NIBAN2: variants seen among roughly 807,000 people sequenced by gnomAD.
NIBAN2 encodes the protein protein Niban 2.
NIBAN2 carries 36 observed loss-of-function variants against 81.8 expected under a neutral mutation model. The ratio of observed to expected loss-of-function variants is 0.44; its 90% CI spans 0.34 to 0.58. The LOEUF (loss-of-function observed/expected upper bound fraction) is 0.58. NIBAN2 is among the 20% of genes least tolerant of loss of function. The pLI is 0.02. For synonymous variants in NIBAN2, 445 were observed against 441.6 expected, an observed-to-expected ratio of 1.01 and a Z score of -0.10; for missense variants, 897 against 1,014.1, an observed-to-expected ratio of 0.88 and a Z score of 1.57.
chr9:127,547,899 T>C (rs1837503490), intron 1 of NIBAN2, among the ~76,000 whole-genome samples: 1 of 152,046 alleles, frequency 6.6e-6, no homozygotes, highest in African/African-American at 2.4e-5. Flanking sequence ...TTGCAAGGTG[T>C]CATAAGGATT....
chr9:127,527,122 T>G (rs1337572892), intron 3 of NIBAN2, 72 bp downstream of exon 3: 1 of 1,585,024 alleles, frequency 6.3e-7, no homozygotes, highest in Non-Finnish European at 8.6e-7. Context: ...GGCCTAAGTT[T>G]CCGAGTTGGG....
At chr9:127,531,528 A>G in intron 2 of NIBAN2, 120 bp downstream of exon 2, 2 of 804,480 alleles carry the variant, frequency 2.5e-6, no homozygotes, top group Admixed American at 2.6e-5. Flanking sequence ...AGCTGGGGAG[A>G]CCCTTAGAGG....
chr9:127,566,996 G>GC, intron 1 of NIBAN2, among the ~76,000 whole-genome samples: 2 of 151,942 alleles, frequency 1.3e-5, no homozygotes, highest in African/African-American at 4.8e-5. Context: ...GGAGAAGAGA[G>GC]AGACCAGCAG....
At chr9:127,543,425 G>A (rs1210201195) in intron 1 of NIBAN2, among the ~76,000 whole-genome samples, 1 of 152,122 alleles carries the variant, frequency 6.6e-6, no homozygotes, top group African/African-American at 2.4e-5. Context: ...CCAAGCTGGG[G>A]TGTGAGCCCA....
chr9:127,512,287 ATT>A (rs3053049), intron 8 of NIBAN2, among the ~76,000 whole-genome samples: 5 of 140,166 alleles, frequency 3.6e-5, no homozygotes, highest in Admixed American at 7.2e-5. Flanking sequence ...TTCATTTTAC[ATT>A]TTTTTTTTTT....
intron 1 of NIBAN2, among the ~76,000 whole-genome samples, chr9:127,555,581 G>A (rs866476222): frequency 3.3e-5 from 5 of 152,206 alleles, no homozygotes; most frequent in African/African-American, 1.2e-4. Flanking sequence ...GGAGGCCAAG[G>A]CAGGAGGGTC....
At chr9:127,558,717 A>G (rs1257800715) in intron 1 of NIBAN2, among the ~76,000 whole-genome samples, 9 of 152,166 alleles carry the variant, frequency 5.9e-5, no homozygotes, top group Admixed American at 4.6e-4. Context: ...CTGCTCTCAA[A>G]AAAAGCAAAA....
In NIBAN2 at chr9:127,525,039, G is replaced by A. The variant is rs757392481; in HGVS notation, c.421+19C>T. 2 of 1,587,810 alleles carry A rather than the reference G, an allele frequency of 1.3e-6. No homozygotes were observed. Among genetic ancestry groups the A allele is most frequent in the East Asian group, 4.5e-5 (2 of 44,780 alleles). Reference sequence around the variant, plus strand: ...ATGCCTGTGCAGGGCATTGTGGCCTGGGATGGGTGCTCCTTTACCTGGTAA... The same window carrying A: ...ATGCCTGTGCAGGGCATTGTGGCCTAGGATGGGTGCTCCTTTACCTGGTAA... On this transcript the variant is annotated intron_variant, in intron 4 of 13. Coordinates refer to ENST00000373312, the MANE Select transcript of NIBAN2 (RefSeq NM_022833.4).
chr9:127,565,452 A>G (rs1158421346), intron 1 of NIBAN2, among the ~76,000 whole-genome samples: 1 of 152,092 alleles, frequency 6.6e-6, no homozygotes, highest in African/African-American at 2.4e-5. Flanking sequence ...TGAAGTGTAC[A>G]CTTTAGGTGG....
rs374968239 is a variant in NIBAN2 at position 127,514,562 on chromosome 9, G to A, written c.973+2295C>T. ...CCTTTAGGATGGGTCTTGCTTCTTC[G>A]TTTGAACAAAAAGAACAACAGCAAT... On this transcript the variant is annotated intron_variant, in intron 8 of 13. Transcript: ENST00000373312. 6.6e-5 allele frequency among the ~76,000 whole-genome samples: 10 copies of A among 152,262 alleles called. No homozygotes were observed. The South Asian group carries it at 1.7e-3, about 25-fold the overall frequency.
Position 127,537,575 on chromosome 9 carries a change from C to A in NIBAN2, c.56-5797G>T, listed in dbSNP as rs1016806096. Reference sequence around the variant, plus strand: ...TCCCTGCGTTTGATGGGGGGTCCTGCCTAACCGTGGCTGGGATCCCCTGGC... The same window carrying A: ...TCCCTGCGTTTGATGGGGGGTCCTGACTAACCGTGGCTGGGATCCCCTGGC... On this transcript the variant is annotated intron_variant, in intron 1 of 13. Coordinates refer to ENST00000373312, the MANE Select transcript of NIBAN2 (RefSeq NM_022833.4). Among the ~76,000 whole-genome samples the A allele has an allele frequency of 9.2e-4, 140 of 152,190 alleles. 12 individuals are homozygous for A. Among genetic ancestry groups the A allele is most frequent in the Non-Finnish European group, 1.5e-5 (1 of 68,044 alleles).
chr9:127,548,852 C>T (rs1454105770), intron 1 of NIBAN2, among the ~76,000 whole-genome samples: 1 of 152,134 alleles, frequency 6.6e-6, no homozygotes, highest in East Asian at 1.9e-4. Flanking sequence ...CGTAGCCACG[C>T]CCTATTGCCA....
intron 5 of NIBAN2, among the ~76,000 whole-genome samples, chr9:127,520,656 C>A (rs1836920674): frequency 6.6e-6 from 1 of 152,170 alleles, no homozygotes. Context: ...TGACTCACGC[C>A]TGTAATCCCA....
chr9:127,558,176 C>T (rs901319213), intron 1 of NIBAN2, among the ~76,000 whole-genome samples: 6 of 152,280 alleles, frequency 3.9e-5, no homozygotes, highest in East Asian at 1.9e-4. Flanking sequence ...GCTGTCTCCT[C>T]GGACACAGGC....
chr9:127,551,013 C>T (rs1436604124), intron 1 of NIBAN2, among the ~76,000 whole-genome samples: 5 of 152,168 alleles, frequency 3.3e-5, no homozygotes, highest in Non-Finnish European at 5.9e-5. Context: ...GCACGCACGT[C>T]ACTCTGCTTC....
rs1837901957 is a variant in NIBAN2 at position 127,568,735 on chromosome 9, C to G, written c.55+85G>C. 2.6e-6 allele frequency: 3 copies of G among 1,155,860 alleles called. No individual in the cohort carries two copies. In the African/African-American group the frequency reaches 4.9e-5, roughly 19 times the overall value. The allele number at this position is 1,155,860 out of a possible 1,614,324, so 71.6% of individuals were successfully genotyped here. On this transcript the variant is annotated intron_variant, in intron 1 of 13. Transcript: ENST00000373312. ...CCTGACTCCCCCGAGCCCCCGGCCC[C>G]GGCGCCAACTGCTGGCCGGGGCGGG... is the stretch of plus-strand genomic sequence containing the variant.
Position 127,546,695 on chromosome 9 carries a change from T to C in NIBAN2, c.56-14917A>G, listed in dbSNP as rs1221192325. On this transcript the variant is annotated intron_variant, in intron 1 of 13. Coordinates refer to ENST00000373312, the MANE Select transcript of NIBAN2 (RefSeq NM_022833.4). ...GGCAGATGTCAGGCGAGTCACCAAG[T>C]TCAGGCGAGGCTCTGAGGCTTCATC... is the stretch of plus-strand genomic sequence containing the variant. Among the ~76,000 whole-genome samples, 4 of 152,138 alleles carry C rather than the reference T, an allele frequency of 2.6e-5. No homozygotes were observed. The East Asian group carries it at 7.7e-4, about 29-fold the overall frequency.
At chr9:127,570,006 ACAGT>A (rs760573766), upstream of NIBAN2, among the ~76,000 whole-genome samples, 16 of 152,112 alleles carry the variant, frequency 1.1e-4, no homozygotes, top group Non-Finnish European at 2.4e-4. Flanking sequence ...GGCAGGGGAG[ACAGT>A]CAGGTTAACC....
intron 1 of NIBAN2, among the ~76,000 whole-genome samples, chr9:127,551,288 T>A (rs1420532851): frequency 6.6e-6 from 1 of 151,926 alleles, no homozygotes; most frequent in Non-Finnish European, 1.5e-5. Context: ...TTTGGGAGGC[T>A]GAGATGGGCA....
Sources: allele counts gnomAD v4.1 joint callset (sites outside exome capture counted in the v4.1 genomes callset), GRCh38; gene constraint gnomAD v4.1.1; transcripts MANE v1.5; gene names NCBI Gene and HGNC (gene_info 2026-07-23, HGNC 2026-07-21).